The following TAFAZZIN variants were observed in gnomAD, a reference collection of about 807,000 sequenced individuals.
TAFAZZIN encodes the protein protein G4.5.
Under a neutral mutation model 27.3 loss-of-function variants are expected in TAFAZZIN, and 6 were observed. The ratio of observed to expected loss-of-function variants is 0.22; its 90% CI spans 0.12 to 0.43. The LOEUF (loss-of-function observed/expected upper bound fraction) is 0.43. Ranked by LOEUF, TAFAZZIN falls within the 20% of genes least tolerant of loss-of-function variation. The pLI is 1.00. For missense variants in TAFAZZIN, 127 were observed against 244.5 expected, an observed-to-expected ratio of 0.52 and a Z score of 3.21; for synonymous variants, 79 against 96.2, an observed-to-expected ratio of 0.82 and a Z score of 1.04.
chrX:154,414,915 G>A (rs782033083), intron 5 of TAFAZZIN, among the ~76,000 whole-genome samples: 1 of 107,534 alleles, frequency 9.3e-6, no homozygotes, highest in South Asian at 4.3e-4. Context: ...CTTGAACCCG[G>A]GAGGTGGAGG....
intron 5 of TAFAZZIN, chrX:154,419,155 C>T: frequency 3.9e-6 from 1 of 253,313 alleles, no homozygotes; most frequent in Non-Finnish European, 7.2e-6. Flanking sequence ...AGCGGCCCAG[C>T]TGGTGAGCCA....
intron 2 of TAFAZZIN, 85 bp downstream of exon 2, chrX:154,412,299 C>A: frequency 8.9e-7 from 1 of 1,117,359 alleles, no homozygotes; most frequent in East Asian, 3.3e-5. Flanking sequence ...CCCCTTCTCG[C>A]TGCCTTTTCA....
Position 154,419,599 on chromosome X carries a change from G to T in TAFAZZIN, c.517G>T (p.Asp173Tyr). The change falls in exon 6 of 11, where the codon GAC becomes TAC. Residue 173 changes from aspartate (D) to tyrosine (Y), a missense_variant. Transcript: ENST00000601016. The stretch of plus-strand genomic sequence containing the variant: ...CATTTTGGAGAAGCTCAACCATGGG[G>T]ACTGGGTGCATATCTTCCCAGAAGG... ...DFILEKLNHG[D>Y]WVHIFPEGKV... 1.6e-6 allele frequency: 2 copies of T among 1,212,254 alleles called. No homozygotes were observed. The highest frequency in any genetic ancestry group is 2.2e-6 in the Non-Finnish European group (2 of 895,553).
At chrX:154,420,119 A>T in intron 8 of TAFAZZIN, 25 bp downstream of exon 8, 2 of 1,210,340 alleles carry the variant, frequency 1.7e-6, no homozygotes, top group Non-Finnish European at 2.2e-6. Flanking sequence ...GGGGACAGAG[A>T]GATGGCATCT....
Position 154,412,865 on chromosome X carries a change from G to A in TAFAZZIN, c.239-342G>A. The stretch of plus-strand genomic sequence containing the variant: ...TGGAGAAAGGCCTATAGATGTCACA[G>A]GTGGATCCTGGGAGGCCAGGAAGGA... On this transcript the variant is annotated intron_variant, in intron 2 of 10. Transcript: ENST00000601016. 4 of 341,204 alleles carry A rather than the reference G, an allele frequency of 1.2e-5. No individual in the cohort carries two copies. The South Asian group carries it at 1.4e-4, about 12-fold the overall frequency. 28.1% of individuals were successfully genotyped at this position (341,204 alleles called of 1,213,427 possible).
chrX:154,413,378 C>A (rs5986976), intron 3 of TAFAZZIN, 104 bp from the exon 4 acceptor site: 2 of 1,207,493 alleles, frequency 1.7e-6, no homozygotes, highest in Non-Finnish European at 2.2e-6. Flanking sequence ...GGGGTGGGGC[C>A]CCGCAGGCCC....
intron 5 of TAFAZZIN, among the ~76,000 whole-genome samples, 153 bp downstream of exon 5, chrX:154,414,343 G>C (rs1225324038): frequency 3.6e-5 from 4 of 112,025 alleles, no homozygotes; most frequent in African/African-American, 1.3e-4. Flanking sequence ...CAAAAGAAAG[G>C]TAGAAAATAT....
intron 5 of TAFAZZIN, among the ~76,000 whole-genome samples, chrX:154,417,619 AAG>A (rs1324346647): frequency 8.9e-6 from 1 of 112,568 alleles, no homozygotes; most frequent in Non-Finnish European, 1.9e-5. Flanking sequence ...GCAAATAACA[AAG>A]AGGGGCTTTT....
chrX:154,413,651 A>C, intron 4 of TAFAZZIN, 84 bp downstream of exon 4: 1 of 1,012,673 alleles, frequency 9.9e-7, no homozygotes, highest in Non-Finnish European at 1.4e-6. Flanking sequence ...GGAGGGACCT[A>C]TGGGGGTAGG....
chrX:154,420,255 C>A lies in TAFAZZIN; in HGVS notation c.690C>A (p.Arg230=), dbSNP rs781816017. 8.3e-7 allele frequency: 1 copy of A among 1,209,769 alleles called. No homozygotes were observed. Among genetic ancestry groups the A allele is most frequent in the African/African-American group, 1.8e-5 (1 of 57,093 alleles). Residue 230 remains arginine (R), a synonymous_variant, in exon 9 of 11, where the codon CGC becomes CGA. Coordinates refer to ENST00000601016, the MANE Select transcript of TAFAZZIN (RefSeq NM_000116.5). ...CTAACAGTCCGCCCTACTTCCCCCG[C>A]TTTGGACAGGTGGGTGGGGACTGCT... ...VLPNSPPYFP[R]FGQKITVLIG...
chrX:154,413,515 G>C lies in TAFAZZIN; in HGVS notation c.318G>C (p.Lys106Asn). Residue 106 changes from lysine (K) to asparagine (N), a missense_variant, in exon 4 of 11, where the codon AAG (lysine) becomes AAC (asparagine). Lys to Asn is a moderately conservative substitution (Grantham distance 94). This residue lies in a region of TAFAZZIN where 79 missense variants were observed against 188.7 expected (regional missense o/e 0.42). Transcript: ENST00000601016. ...TPAAADICFT[K>N]ELHSHFFSLG... is the part of the protein sequence containing the mutation. ...CAGCTGCAGACATCTGCTTCACCAAGGAGCTACACTCCCACTTCTTCAGCT... is the reference window on the plus strand; with the variant it reads ...CAGCTGCAGACATCTGCTTCACCAACGAGCTACACTCCCACTTCTTCAGCT... 8.2e-7 allele frequency: 1 copy of C among 1,212,345 alleles called. No individual in the cohort carries two copies. The highest frequency in any genetic ancestry group is 1.1e-6 in the Non-Finnish European group (1 of 895,621).
Position 154,421,037 on chromosome X carries a change from G to A in TAFAZZIN, c.*33G>A, listed in dbSNP as rs782129745. 2.9e-5 allele frequency: 33 copies of A among 1,147,621 alleles called. No individual in the cohort carries two copies. The highest frequency in any genetic ancestry group is 3.7e-5 in the Non-Finnish European group (31 of 840,115). The allele number at this position is 1,147,621 out of a possible 1,213,427, so 94.6% of individuals were successfully genotyped here. A position where few individuals can be genotyped will look rare whatever the true frequency, so the allele number is the denominator to read the frequency against. ...TTGCTGCCTTCTGGATTCTTGGCCC[G>A]CACAGAGCTGGGGCTGAGGGATGGA... is the stretch of plus-strand genomic sequence containing the variant. On this transcript the variant is annotated 3_prime_UTR_variant, in exon 11 of 11. Coordinates refer to ENST00000601016, the MANE Select transcript of TAFAZZIN (RefSeq NM_000116.5).
At chrX:154,414,269 A>G in intron 5 of TAFAZZIN, 79 bp downstream of exon 5, 1 of 821,540 alleles carries the variant, frequency 1.2e-6, no homozygotes. Flanking sequence ...CAAGCCCAGG[A>G]GTTTGAGACC....
At chrX:154,413,093 T>C (rs2068366294) in intron 2 of TAFAZZIN, 114 bp from the exon 3 acceptor site, 3 of 1,062,789 alleles carry the variant, frequency 2.8e-6, no homozygotes, top group African/African-American at 1.8e-5. Context: ...GATGCCACTT[T>C]GGGCTGTAGG....
At chrX:154,416,165 C>T (rs1035349714) in intron 5 of TAFAZZIN, among the ~76,000 whole-genome samples, 9 of 111,130 alleles carry the variant, frequency 8.1e-5, no homozygotes, top group African/African-American at 2.9e-4. Context: ...TTTGGGAGGC[C>T]GAGGCGGGTG....
chrX:154,420,644 C>T lies in TAFAZZIN; in HGVS notation c.700-14C>T, dbSNP rs782074602. ...TCCTACTGCTCCTCATCACTCTTGGCGGCCACCCCACAGAAAATCACTGTG... is the reference window on the plus strand; with the variant it reads ...TCCTACTGCTCCTCATCACTCTTGGTGGCCACCCCACAGAAAATCACTGTG... On this transcript the variant is annotated splice_polypyrimidine_tract_variant and intron_variant, in intron 9 of 10. Coordinates refer to ENST00000601016, the MANE Select transcript of TAFAZZIN (RefSeq NM_000116.5). 7.4e-6 allele frequency: 9 copies of T among 1,209,970 alleles called. No homozygotes were observed. Among genetic ancestry groups the T allele is most frequent in the East Asian group, 3.0e-5 (1 of 33,792 alleles).
At chrX:154,412,033 G>T (rs782556026) in intron 1 of TAFAZZIN, 53 bp from the exon 2 acceptor site, 5 of 1,205,578 alleles carry the variant, frequency 4.1e-6, no homozygotes, top group Non-Finnish European at 5.6e-6. Flanking sequence ...GGGACGCCGC[G>T]GCCCCGACCT....
chrX:154,417,580 A>G (rs1557193332), intron 5 of TAFAZZIN, among the ~76,000 whole-genome samples: 2 of 112,942 alleles, frequency 1.8e-5, no homozygotes, highest in African/African-American at 6.4e-5. Flanking sequence ...TGGTCAAAGT[A>G]GAATGTGGTA....
Position 154,420,246 on chromosome X carries a change from C to T in TAFAZZIN, c.681C>T (p.Tyr227=). Residue 227 remains tyrosine (Y), a synonymous_variant, in exon 9 of 11, where the codon TAC becomes TAT. Transcript: ENST00000601016. ...ACGTCCTTCCTAACAGTCCGCCCTACTTCCCCCGCTTTGGACAGGTGGGTG... is the reference window on the plus strand; with the variant it reads ...ACGTCCTTCCTAACAGTCCGCCCTATTTCCCCCGCTTTGGACAGGTGGGTG... ...MNDVLPNSPP[Y]FPRFGQKITV... The T allele has an allele frequency of 8.3e-7, 1 of 1,211,753 alleles. No homozygotes were observed. The highest frequency in any genetic ancestry group is 1.1e-6 in the Non-Finnish European group (1 of 895,517).
Sources: allele counts gnomAD v4.1 joint callset (sites outside exome capture counted in the v4.1 genomes callset), GRCh38; gene constraint gnomAD v4.1.1; regional missense constraint gnomAD v4.1.1; transcripts MANE v1.5; gene names NCBI Gene and HGNC (gene_info 2026-07-23, HGNC 2026-07-21).